PTK6: variants seen among roughly 807,000 people sequenced by gnomAD.
The protein encoded by PTK6 is protein-tyrosine kinase 6.
A neutral mutation model predicts 47.5 loss-of-function variants in PTK6; 47 were observed. The ratio of observed to expected loss-of-function variants is 0.99; its 90% confidence interval spans 0.78 to 1.26. PTK6 has a LOEUF of 1.26. Ranked by LOEUF, PTK6 falls within the 50% of genes most tolerant of loss-of-function variation. The probability of loss-of-function intolerance (pLI) is 0.00; values close to 1 mark genes in which losing one functional copy is unlikely to be tolerated. For synonymous variants in PTK6, 287 were observed against 276.5 expected, an observed-to-expected ratio of 1.04 and a Z score of -0.38; for missense variants, 618 against 625.3, an observed-to-expected ratio of 0.99 and a Z score of 0.12.
In PTK6 at chr20:63,533,127, G is replaced by C. The variant is rs2082638092; in HGVS notation, c.670+424C>G. ...CTGTCGCCCAGGCTGGAGTGCAATG[G>C]CGCGATCTCAGCTCACTGCAATCTC... On this transcript the variant is annotated intron_variant, in intron 4 of 7. Coordinates refer to ENST00000542869, the MANE Select transcript of PTK6 (RefSeq NM_005975.4). The surrounding 1 kb of genome is among the most constrained non-coding windows in gnomAD (Gnocchi z 4.0). Among the ~76,000 whole-genome samples, 1 of 151,666 alleles carries C rather than the reference G, an allele frequency of 6.6e-6. No individual in the cohort carries two copies. Among genetic ancestry groups the C allele is most frequent in the South Asian group, 2.1e-4 (1 of 4,812 alleles).
At chr20:63,534,074 A>T in intron 3 of PTK6, 78 bp downstream of exon 3, 1 of 1,456,788 alleles carries the variant, frequency 6.9e-7, no homozygotes, top group Non-Finnish European at 9.1e-7. Context: ...CTGCCCGGCC[A>T]ACCTCTCCCA....
chr20:63,530,356 C>T lies in PTK6; in HGVS notation c.1015-125G>A, dbSNP rs1009398650. On this transcript the variant is annotated intron_variant, in intron 6 of 7. Coordinates refer to ENST00000542869, the MANE Select transcript of PTK6 (RefSeq NM_005975.4). The surrounding 1 kb of genome is among the most constrained non-coding windows in gnomAD (Gnocchi z 4.1). ...GGTGATGACCCCACTGTCTGACCCA[C>T]GCACGGCCGCTGCAGCTAAGGCCAC... 3.9e-5 allele frequency: 49 copies of T among 1,257,862 alleles called. No homozygotes were observed. Among genetic ancestry groups the T allele is most frequent in the African/African-American group, 2.8e-4 (19 of 67,716 alleles). 77.9% of individuals were successfully genotyped at this position (1,257,862 alleles called of 1,614,324 possible). A position where few individuals can be genotyped will look rare whatever the true frequency, so the allele number is the denominator to read the frequency against.
At chr20:63,532,023 C>T (rs955476372) in intron 5 of PTK6, among the ~76,000 whole-genome samples, 2 of 152,254 alleles carry the variant, frequency 1.3e-5, no homozygotes, top group African/African-American at 2.4e-5. Flanking sequence ...TGCGCCTTCA[C>T]GCACGGGCAT....
chr20:63,532,775 G>T, intron 4 of PTK6, 88 bp from the exon 5 acceptor site: 1 of 1,499,976 alleles, frequency 6.7e-7, no homozygotes, highest in Non-Finnish European at 9.0e-7. Flanking sequence ...ACACACAGCA[G>T]CCATCACACC....
chr20:63,529,824 A>T lies in PTK6; in HGVS notation c.1169-101T>A. 7.6e-7 allele frequency: 1 copy of T among 1,318,928 alleles called. No homozygotes were observed. 81.7% of individuals were successfully genotyped at this position (1,318,928 alleles called of 1,614,324 possible). ...TGCCCCTTCCTGGGGCCTTCCCCGCAGCCTCAGCTGCCATGCCTTGGCGCC... is the reference window on the plus strand; with the variant it reads ...TGCCCCTTCCTGGGGCCTTCCCCGCTGCCTCAGCTGCCATGCCTTGGCGCC... On this transcript the variant is annotated intron_variant, in intron 7 of 7. Coordinates refer to ENST00000542869, the MANE Select transcript of PTK6 (RefSeq NM_005975.4). The surrounding 1 kb of genome is among the most constrained non-coding windows in gnomAD (Gnocchi z 5.6).
At chr20:63,535,590 T>C (rs2082658445) in intron 1 of PTK6, among the ~76,000 whole-genome samples, 1 of 152,012 alleles carries the variant, frequency 6.6e-6, no homozygotes, top group Non-Finnish European at 1.5e-5. Context: ...AGGTGGAGCT[T>C]GCAGAAGCTC....
Position 63,535,026 on chromosome 20 carries a change from A to G in PTK6, c.264T>C (p.Ala88=). 1.2e-6 allele frequency: 2 copies of G among 1,607,570 alleles called. No individual in the cohort carries two copies. The highest frequency in any genetic ancestry group is 2.2e-5 in the South Asian group (2 of 90,840). ...WFFGCISRSE[A]VRRLQAEGNA... ...TGCCCTCGGCCTGCAGCCGACGCAC[A>G]GCTTCCGAGCGGGAGATGCAGCCAA... is the stretch of plus-strand genomic sequence containing the variant. The change falls in exon 2 of 8, where the codon GCT becomes GCC. Residue 88 remains alanine (A), a synonymous_variant. Coordinates refer to ENST00000542869, the MANE Select transcript of PTK6 (RefSeq NM_005975.4).
chr20:63,534,889 A>G, intron 2 of PTK6, 49 bp downstream of exon 2: 2 of 1,553,594 alleles, frequency 1.3e-6, no homozygotes, highest in Middle Eastern at 3.5e-4. Context: ...GAGGGCTTAG[A>G]GCCAGGAGCC....
At chr20:63,532,399 GCA>G (rs1415837410) in intron 5 of PTK6, 125 bp downstream of exon 5, 11 of 1,226,722 alleles carry the variant, frequency 9.0e-6, no homozygotes, top group East Asian at 7.1e-5. Flanking sequence ...GTCTGTGTGT[GCA>G]TGTGTGTGTC....
At chr20:63,536,896 T>A (rs2082673516) in intron 1 of PTK6, among the ~76,000 whole-genome samples, 189 bp downstream of exon 1, 1 of 152,208 alleles carries the variant, frequency 6.6e-6, no homozygotes. Context: ...TCCTGGGCAC[T>A]CCTGGGCGCC....
intron 1 of PTK6, 27 bp from the exon 2 acceptor site, chr20:63,535,086 C>T (rs762676433): frequency 5.9e-5 from 93 of 1,571,474 alleles, no homozygotes; most frequent in Non-Finnish European, 7.9e-5. Flanking sequence ...TGAGAACACG[C>T]GGACCTGGGC....
chr20:63,529,974 G>A lies in PTK6; in HGVS notation c.1168+104C>T. 1 of 1,411,390 alleles carries A rather than the reference G, an allele frequency of 7.1e-7. No individual in the cohort carries two copies. The highest frequency in any genetic ancestry group is 1.2e-5 in the South Asian group (1 of 80,064). 87.4% of individuals were successfully genotyped at this position (1,411,390 alleles called of 1,614,324 possible). On this transcript the variant is annotated intron_variant, in intron 7 of 7. Coordinates refer to ENST00000542869, the MANE Select transcript of PTK6 (RefSeq NM_005975.4). This position sits in a 1 kb window ranked among gnomAD's most constrained non-coding sequence, Gnocchi z 5.6. ...GAGTTCAGGCGATGGCCCGCGGAGG[G>A]CCCTGAAGCCCGTGGGGGAGGCACC...
Position 63,530,297 on chromosome 20 carries a change from G to C in PTK6, c.1015-66C>G. On this transcript the variant is annotated intron_variant, in intron 6 of 7. Transcript: ENST00000542869. The surrounding 1 kb of genome is among the most constrained non-coding windows in gnomAD (Gnocchi z 4.1). ...TGTGCCCTGCCCCCGAAGCATGGAC[G>C]GGCACAGCGGCCGCATTGCCCCAGC... is the stretch of plus-strand genomic sequence containing the variant. 1.3e-6 allele frequency: 2 copies of C among 1,581,868 alleles called. No individual in the cohort carries two copies. The highest frequency in any genetic ancestry group is 1.7e-6 in the Non-Finnish European group (2 of 1,157,988).
Position 63,532,555 on chromosome 20 carries a change from G to A in PTK6, c.803C>T (p.Ala268Val), listed in dbSNP as rs1336086959. 3 of 1,613,182 alleles carry A rather than the reference G, an allele frequency of 1.9e-6. No homozygotes were observed. The African/African-American group carries it at 4.0e-5, about 22-fold the overall frequency. Residue 268 changes from alanine (A) to valine (V), a missense_variant, in exon 5 of 8, where the codon GCC becomes GTC. Physicochemically the swap from Ala to Val is moderately conservative, Grantham distance 64. Coordinates refer to ENST00000542869, the MANE Select transcript of PTK6 (RefSeq NM_005975.4). Reference sequence around the variant, plus strand: ...GAGCAGCTCCAGCAGGCTGCCCTTGGCCATGAGCTCCGTGATGATGTACAC... The same window carrying A: ...GAGCAGCTCCAGCAGGCTGCCCTTGACCATGAGCTCCGTGATGATGTACAC... ...DPVYIITELMAKGSLLELLRD... is the reference protein window; with the variant it reads ...DPVYIITELMVKGSLLELLRD...
At chr20:63,532,465 C>T (rs1569011430) in intron 5 of PTK6, 61 bp downstream of exon 5, 2 of 1,528,310 alleles carry the variant, frequency 1.3e-6, no homozygotes, top group Non-Finnish European at 8.8e-7. Flanking sequence ...GGGGGGTGTG[C>T]ACTTTATTTC....
chr20:63,528,098 T>A lies in PTK6; in HGVS notation c.*1438A>T, dbSNP rs1425595759. On this transcript the variant is annotated 3_prime_UTR_variant, in exon 8 of 8. Transcript: ENST00000542869. Reference sequence around the variant, plus strand: ...AGCATTTTAATGTAATAACCAAAATTATGACTGATAACATTGCACCAGATT... The same window carrying A: ...AGCATTTTAATGTAATAACCAAAATAATGACTGATAACATTGCACCAGATT... 6.6e-6 allele frequency: 1 copy of A among 152,244 alleles called. No individual in the cohort carries two copies. Among genetic ancestry groups the A allele is most frequent in the African/African-American group, 2.4e-5 (1 of 41,468 alleles). The allele number at this position is 152,244 out of a possible 1,614,324, so 9.4% of individuals were successfully genotyped here. A position where few individuals can be genotyped will look rare whatever the true frequency, so the allele number is the denominator to read the frequency against.
Position 63,533,498 on chromosome 20 carries a change from G to A in PTK6, c.670+53C>T. ...AGGTCCCTGTTGGCGGGGTGGGAGGGTGGCCCAGGGCAGGCACGGGGCCAC... is the reference window on the plus strand; with the variant it reads ...AGGTCCCTGTTGGCGGGGTGGGAGGATGGCCCAGGGCAGGCACGGGGCCAC... On this transcript the variant is annotated intron_variant, in intron 4 of 7. Coordinates refer to ENST00000542869, the MANE Select transcript of PTK6 (RefSeq NM_005975.4). The surrounding 1 kb of genome is among the most constrained non-coding windows in gnomAD (Gnocchi z 4.0). The A allele has an allele frequency of 6.6e-7, 1 of 1,513,250 alleles. No homozygotes were observed. Among genetic ancestry groups the A allele is most frequent in the East Asian group, 2.4e-5 (1 of 41,928 alleles). The allele number at this position is 1,513,250 out of a possible 1,614,324, so 93.7% of individuals were successfully genotyped here.
At chr20:63,531,848 G>A (rs1182748911) in intron 5 of PTK6, among the ~76,000 whole-genome samples, 1 of 143,518 alleles carries the variant, frequency 7.0e-6, no homozygotes, top group Non-Finnish European at 1.5e-5. Flanking sequence ...GAAGGGCGTG[G>A]GGACTGTCTG....
At position 63,530,250 on chromosome 20, in the gene PTK6, T is replaced by C; in HGVS notation, c.1015-19A>G. On this transcript the variant is annotated intron_variant, in intron 6 of 7. Coordinates refer to ENST00000542869, the MANE Select transcript of PTK6 (RefSeq NM_005975.4). This position sits in a 1 kb window ranked among gnomAD's most constrained non-coding sequence, Gnocchi z 4.1. ...CGTCCTCCTGCAATCAGCCTGGAGC[T>C]GAGTGGGCCGTGGGGGCTGCCTGTG... 5.6e-6 allele frequency: 9 copies of C among 1,611,674 alleles called. No homozygotes were observed. Among genetic ancestry groups the C allele is most frequent in the Non-Finnish European group, 6.8e-6 (8 of 1,178,268 alleles).
Sources: allele counts gnomAD v4.1 joint callset (sites outside exome capture counted in the v4.1 genomes callset), GRCh38; gene constraint gnomAD v4.1.1; non-coding constraint Gnocchi (gnomAD v3.1); transcripts MANE v1.5; gene names NCBI Gene and HGNC (gene_info 2026-07-23, HGNC 2026-07-21).